DLC1: variants seen among roughly 807,000 people sequenced by gnomAD.
DLC1 encodes the protein DLC1 Rho GTPase activating protein.
Under a neutral mutation model 140.3 loss-of-function variants are expected in DLC1, and 54 were observed. That is an observed-to-expected ratio of 0.38 (90% CI 0.31 to 0.48). The LOEUF (loss-of-function observed/expected upper bound fraction) is 0.48. Ranked by LOEUF, DLC1 falls within the 20% of genes least tolerant of loss-of-function variation. The probability of loss-of-function intolerance (pLI) is 0.96; values close to 1 mark genes in which losing one functional copy is unlikely to be tolerated. For missense variants in DLC1, 2,536 were observed against 1,907.0 expected, an observed-to-expected ratio of 1.33 and a Z score of -6.14; for synonymous variants, 986 against 728.1, an observed-to-expected ratio of 1.35 and a Z score of -5.70.
chr8:13,154,687 G>C (rs1824115756), intron 5 of DLC1, among the ~76,000 whole-genome samples: 1 of 152,238 alleles, frequency 6.6e-6, no homozygotes, highest in Admixed American at 6.5e-5. Context: ...AGCGGGGCCA[G>C]AGTGGACGCT....
intron 1 of DLC1, among the ~76,000 whole-genome samples, chr8:13,582,529 C>G (rs978847470): frequency 1.3e-5 from 2 of 152,038 alleles, no homozygotes; most frequent in African/African-American, 4.8e-5. Flanking sequence ...GGCTCCCAGC[C>G]TATATATTTC....
At chr8:13,582,528 C>A (rs1805143157) in intron 1 of DLC1, among the ~76,000 whole-genome samples, 1 of 152,018 alleles carries the variant, frequency 6.6e-6, no homozygotes, top group African/African-American at 2.4e-5. Context: ...GGGCTCCCAG[C>A]CTATATATTT....
intron 5 of DLC1, among the ~76,000 whole-genome samples, chr8:13,301,839 G>C (rs1040206782): frequency 6.6e-6 from 1 of 152,138 alleles, no homozygotes; most frequent in African/African-American, 2.4e-5. Context: ...GCACATGTGA[G>C]GGTTCTAGGC....
At chr8:13,448,960 G>T (rs1798922645) in intron 2 of DLC1, among the ~76,000 whole-genome samples, 1 of 152,084 alleles carries the variant, frequency 6.6e-6, no homozygotes, top group East Asian at 1.9e-4. Flanking sequence ...CCCGCTATGG[G>T]TTTTTTTAGA....
At position 13,100,493 on chromosome 8, in the gene DLC1, G is replaced by T; in HGVS notation, c.1844C>A (p.Thr615Asn). Residue 615 changes from threonine to asparagine, a missense_variant, in exon 9 of 18, where the codon ACC (threonine) becomes AAC (asparagine). Coordinates refer to ENST00000276297, the MANE Select transcript of DLC1 (RefSeq NM_182643.3). ...GCTGATGACGGAGTTAGTCCGGGGG[G>T]TGGCAGCATCCTCGCTGGGGGGCGC... ...SHAPPSEDAA[T>N]PRTNSVISVC... 1.9e-6 allele frequency: 3 copies of T among 1,612,712 alleles called. No homozygotes were observed. Among genetic ancestry groups the T allele is most frequent in the South Asian group, 2.2e-5 (2 of 91,084 alleles).
chr8:13,273,810 AG>A (rs1035787619), intron 5 of DLC1, among the ~76,000 whole-genome samples: 21 of 151,810 alleles, frequency 1.4e-4, no homozygotes, highest in Non-Finnish European at 2.9e-5. Flanking sequence ...ATACCTAACA[AG>A]GAAACTTAAA....
chr8:13,151,335 C>G (rs1053334546), intron 5 of DLC1, among the ~76,000 whole-genome samples: 14 of 152,122 alleles, frequency 9.2e-5, no homozygotes, highest in Admixed American at 6.6e-4. Flanking sequence ...GTGTTTTCAA[C>G]TATTAGTCCC....
intron 5 of DLC1, among the ~76,000 whole-genome samples, chr8:13,120,356 A>AAAAAAAAAAAAAAAGATATAT: frequency 1.6e-5 from 1 of 61,124 alleles, no homozygotes; most frequent in African/African-American, 4.2e-5. Context: ...AAAAAAAAAA[A>AAAAAAAAAAAAAAAGATATAT]ATATATATAT....
At chr8:13,358,107 T>G (rs1835033574) in intron 4 of DLC1, among the ~76,000 whole-genome samples, 1 of 152,204 alleles carries the variant, frequency 6.6e-6, no homozygotes, top group Non-Finnish European at 1.5e-5. Context: ...ATCCTGCTAT[T>G]CTGTTTTGCT....
intron 3 of DLC1, among the ~76,000 whole-genome samples, chr8:13,398,387 T>C: frequency 6.6e-6 from 1 of 152,046 alleles, no homozygotes. Flanking sequence ...CAGAATGTTG[T>C]GGTGAGAGAC....
intron 2 of DLC1, among the ~76,000 whole-genome samples, chr8:13,431,689 T>A (rs186959809): frequency 6.6e-6 from 1 of 151,238 alleles, no homozygotes; most frequent in Non-Finnish European, 1.5e-5. Flanking sequence ...AAAAAAATCA[T>A]GTGTAATTGT....
chr8:13,091,423 T>G lies in DLC1; in HGVS notation c.3750A>C (p.Gln1250His). The change falls in exon 14 of 18, where the codon CAA becomes CAC. Residue 1250 changes from glutamine (Q) to histidine (H), a missense_variant. Transcript: ENST00000276297. ...CTGGTTTGCCCAAACTTTGTTTTCT[T>G]TGCATTACCCTAGGTAGAAGAAATA... ...KRENSSPRVM[Q>H]RKQSLGKPDQ... The G allele has an allele frequency of 6.2e-7, 1 of 1,614,070 alleles. No homozygotes were observed. Among genetic ancestry groups the G allele is most frequent in the Non-Finnish European group, 8.5e-7 (1 of 1,179,932 alleles).
intron 2 of DLC1, among the ~76,000 whole-genome samples, chr8:13,407,457 G>T (rs897989837): frequency 1.3e-5 from 2 of 152,068 alleles, no homozygotes; most frequent in African/African-American, 4.8e-5. Flanking sequence ...GCAAATTACT[G>T]GATATTTTGC....
chr8:13,306,555 T>G (rs1480958467), intron 4 of DLC1, among the ~76,000 whole-genome samples: 1 of 137,540 alleles, frequency 7.3e-6, no homozygotes, highest in Non-Finnish European at 1.6e-5. Context: ...TGTGTGTGTG[T>G]GTTTGTGTGT....
At chr8:13,230,513 T>G (rs1334675135) in intron 5 of DLC1, among the ~76,000 whole-genome samples, 1 of 152,188 alleles carries the variant, frequency 6.6e-6, no homozygotes, top group Non-Finnish European at 1.5e-5. Flanking sequence ...TTGAGGCATT[T>G]AGGGGAGAGA....
intron 5 of DLC1, among the ~76,000 whole-genome samples, chr8:13,233,685 C>T (rs749058301): frequency 2.1e-4 from 32 of 152,174 alleles, no homozygotes; most frequent in Non-Finnish European, 4.1e-4. Flanking sequence ...TTCAATAGAA[C>T]ATTTAAACAC....
intron 2 of DLC1, among the ~76,000 whole-genome samples, chr8:13,426,519 C>T (rs1047279531): frequency 6.6e-6 from 1 of 152,090 alleles, no homozygotes; most frequent in Non-Finnish European, 1.5e-5. Context: ...TCAAATGAAC[C>T]TCAGTTTTAG....
At chr8:13,300,100 C>T (rs1832128540) in intron 5 of DLC1, among the ~76,000 whole-genome samples, 1 of 151,890 alleles carries the variant, frequency 6.6e-6, no homozygotes, top group South Asian at 2.1e-4. Context: ...TACAACGCAG[C>T]CAAAAAAAGG....
At chr8:13,558,404 A>G (rs1408733297) in intron 1 of DLC1, 1 of 152,186 alleles carries the variant, frequency 6.6e-6, no homozygotes, top group African/African-American at 2.4e-5. Context: ...GGAAGGAACC[A>G]TGGAGGACTC....
Sources: allele counts gnomAD v4.1 joint callset (sites outside exome capture counted in the v4.1 genomes callset), GRCh38; gene constraint gnomAD v4.1.1; transcripts MANE v1.5; gene names NCBI Gene and HGNC (gene_info 2026-07-23, HGNC 2026-07-21).